The following MRPL37 variants were observed in gnomAD, a reference collection of about 807,000 sequenced individuals.
The protein encoded by MRPL37 is mitochondrial ribosomal protein L37.
Under a neutral mutation model 44.1 loss-of-function variants are expected in MRPL37, and 34 were observed. That is an observed-to-expected ratio of 0.77 (90% CI 0.59 to 1.03). The LOEUF is 1.03. Among genes scored for constraint, MRPL37 ranks in the 50% least tolerant of loss-of-function variants. The pLI, the probability that MRPL37 is intolerant of heterozygous loss-of-function variation, is 0.00. For missense variants in MRPL37, 532 were observed against 543.7 expected (o/e 0.98, Z 0.21); for synonymous variants, 212 against 219.5 (o/e 0.97, Z 0.30).
chr1:54,200,316 G>A lies in MRPL37; in HGVS notation c.73G>A (p.Ala25Thr). 6.2e-7 allele frequency: 1 copy of A among 1,613,238 alleles called. No homozygotes were observed. Among genetic ancestry groups the A allele is most frequent in the Non-Finnish European group, 8.5e-7 (1 of 1,179,790 alleles). The change falls in exon 1 of 7, where the codon GCC becomes ACC. Residue 25 changes from alanine (A) to threonine (T), a missense_variant. Ala to Thr is a moderately conservative substitution (Grantham distance 58). Transcript: ENST00000360840. ...SGQLGLGGFG[A>T]PRRGAYEWGV... ...GCAGCTCGGCCTTGGGGGCTTCGGG[G>A]CCCCGAGACGCGGGGCGTATGAGTG... is the stretch of plus-strand genomic sequence containing the variant.
downstream of MRPL37, among the ~76,000 whole-genome samples, chr1:54,224,553 A>G (rs572195074): frequency 2.6e-5 from 4 of 152,330 alleles, no homozygotes; most frequent in African/African-American, 7.2e-5. Context: ...AAGTTGCAGC[A>G]AACAAGATTT....
At chr1:54,222,356 TG>T (rs200211781), downstream of MRPL37, among the ~76,000 whole-genome samples, 14 of 151,224 alleles carry the variant, frequency 9.3e-5, no homozygotes, top group Admixed American at 2.6e-4. Flanking sequence ...ACAAAGGCCC[TG>T]GGGGGGCAGA....
chr1:54,223,565 T>C (rs1478071996), downstream of MRPL37, among the ~76,000 whole-genome samples: 3 of 152,176 alleles, frequency 2.0e-5, no homozygotes, highest in Non-Finnish European at 2.9e-5. Context: ...TAAGTTTCTT[T>C]CCTGGCTCTG....
At position 54,206,502 on chromosome 1, in the gene MRPL37, C is replaced by T. The variant is rs192983792; in HGVS notation, c.646+1092C>T. ...TCAGCTCACTGCAACCTCTGCCTCC[C>T]GGGTTCAAGCAATTCTTGTGCCTCA... On this transcript the variant is annotated intron_variant, in intron 3 of 6. Coordinates refer to ENST00000360840, the MANE Select transcript of MRPL37 (RefSeq NM_016491.4). Among the ~76,000 whole-genome samples, 77 of 152,094 alleles carry T rather than the reference C, an allele frequency of 5.1e-4. 1 individual carries two copies. Among genetic ancestry groups the T allele is most frequent in the African/African-American group, 1.7e-3 (72 of 41,484 alleles).
Position 54,216,168 on chromosome 1 carries a change from G to A in MRPL37, c.1018G>A (p.Val340Met), listed in dbSNP as rs184402036. The A allele has an allele frequency of 2.6e-5, 42 of 1,614,230 alleles. No individual in the cohort carries two copies. The highest frequency in any genetic ancestry group is 3.3e-4 in the Middle Eastern group (2 of 6,062). Residue 340 changes from valine to methionine, a missense_variant, in exon 6 of 7, where the codon GTG becomes ATG. Coordinates refer to ENST00000360840, the MANE Select transcript of MRPL37 (RefSeq NM_016491.4). ...TGATGCCAAGGTCTTGGAGCAGCCC[G>A]TGGTGGTGCAGAGCGTGGGCACGGA... ...GNDAKVLEQP[V>M]VVQSVGTDGR...
At chr1:54,216,534 C>G (rs1644199000) in intron 6 of MRPL37, among the ~76,000 whole-genome samples, 190 bp downstream of exon 6, 1 of 152,172 alleles carries the variant, frequency 6.6e-6, no homozygotes, top group Non-Finnish European at 1.5e-5. Context: ...TGCTCCACTC[C>G]AGCTCCTGCT....
At chr1:54,214,993 T>A (rs1644187876) in intron 5 of MRPL37, among the ~76,000 whole-genome samples, 1 of 152,170 alleles carries the variant, frequency 6.6e-6, no homozygotes, top group South Asian at 2.1e-4. Flanking sequence ...AATGCCAGAT[T>A]CAGCCCCAGT....
At chr1:54,207,687 A>G (rs188101163) in intron 3 of MRPL37, among the ~76,000 whole-genome samples, 223 of 152,358 alleles carry the variant, frequency 1.5e-3, no homozygotes, top group Non-Finnish European at 2.2e-3. Flanking sequence ...CCCAAGGTTA[A>G]GAGAGGTCCA....
chr1:54,218,781 C>G (rs575939352), downstream of MRPL37, among the ~76,000 whole-genome samples: 1 of 152,324 alleles, frequency 6.6e-6, no homozygotes, highest in East Asian at 1.9e-4. Context: ...CAAATAATGT[C>G]AAGTCCTGAT....
chr1:54,223,267 C>A (rs550484652), downstream of MRPL37, among the ~76,000 whole-genome samples: 50 of 152,344 alleles, frequency 3.3e-4, no homozygotes, highest in East Asian at 8.3e-3. Flanking sequence ...CCCAGCCACT[C>A]TGCTCAAGTC....
At chr1:54,204,867 A>G (rs1644109477) in intron 1 of MRPL37, 151 bp from the exon 2 acceptor site, 2 of 820,588 alleles carry the variant, frequency 2.4e-6, no homozygotes, top group Non-Finnish European at 1.8e-6. Flanking sequence ...TCTGGTCTTC[A>G]CTTTTGGTTC....
rs750811941 is a variant in MRPL37 at position 54,205,409 on chromosome 1, A to G, written c.645A>G (p.Arg215=). 3 of 1,612,562 alleles carry G rather than the reference A, an allele frequency of 1.9e-6. No individual in the cohort carries two copies. The highest frequency in any genetic ancestry group is 2.5e-6 in the Non-Finnish European group (3 of 1,178,898). The part of the protein sequence containing the change: ...QNSTFSATWN[R]ESLLLQVRGS... ...CCACGTTTTCTGCTACCTGGAACCGAGGTTGGTCATCTTGTACACCAGAAA... is the reference window on the plus strand; with the variant it reads ...CCACGTTTTCTGCTACCTGGAACCGGGGTTGGTCATCTTGTACACCAGAAA... Residue 215 remains arginine, a splice_region_variant and synonymous_variant, in exon 3 of 7, where the codon CGA becomes CGG. Coordinates refer to ENST00000360840, the MANE Select transcript of MRPL37 (RefSeq NM_016491.4).
At chr1:54,220,485 G>A (rs1644225398), downstream of MRPL37, 1 of 374,966 alleles carries the variant, frequency 2.7e-6, no homozygotes, top group Non-Finnish European at 5.5e-6. Context: ...TCTGCAAAGT[G>A]GGGCAGGCAG....
At chr1:54,214,583 G>A (rs557131407) in intron 5 of MRPL37, among the ~76,000 whole-genome samples, 1 of 152,332 alleles carries the variant, frequency 6.6e-6, no homozygotes, top group African/African-American at 2.4e-5. Flanking sequence ...GAAGGAGGCA[G>A]AGATAGTCAC....
In MRPL37 at chr1:54,216,296, C is replaced by G; in HGVS notation, c.1146C>G (p.Leu382=). The G allele has an allele frequency of 1.2e-6, 2 of 1,614,196 alleles. No individual in the cohort carries two copies. The highest frequency in any genetic ancestry group is 1.7e-6 in the Non-Finnish European group (2 of 1,180,038). ...CCTGGGTGGACTCAGACCAGCTCCT[C>G]TATCAGCATTTTTGGTGTCTCCCAG... is the stretch of plus-strand genomic sequence containing the variant. ...NLAWVDSDQL[L]YQHFWCLPVI... Residue 382 remains leucine, a synonymous_variant, in exon 6 of 7, where the codon CTC becomes CTG. Transcript: ENST00000360840.
chr1:54,212,189 AAG>A (rs1261352785), intron 4 of MRPL37, among the ~76,000 whole-genome samples: 1 of 152,164 alleles, frequency 6.6e-6, no homozygotes, highest in Non-Finnish European at 1.5e-5. Context: ...ATTTTCTGTG[AAG>A]AGTCAAAACA....
chr1:54,202,104 G>A (rs928348492), intron 1 of MRPL37, among the ~76,000 whole-genome samples: 1 of 151,584 alleles, frequency 6.6e-6, no homozygotes, highest in African/African-American at 2.4e-5. Context: ...CAAAGTTCAA[G>A]TGATCTCCCA....
At chr1:54,202,051 A>G (rs1644088633) in intron 1 of MRPL37, among the ~76,000 whole-genome samples, 1 of 150,060 alleles carries the variant, frequency 6.7e-6, no homozygotes, top group Non-Finnish European at 1.5e-5. Context: ...TGCCCAGGCC[A>G]GAGTACAGTG....
downstream of MRPL37, chr1:54,218,436 G>C: frequency 7.0e-7 from 1 of 1,421,280 alleles, no homozygotes; most frequent in African/African-American, 1.4e-5. Flanking sequence ...ACAAGTCCAA[G>C]CCCTGGAGCC....
Sources: gnomAD v4.1 joint callset for allele counts (sites outside exome capture counted in the v4.1 genomes callset) on GRCh38, gnomAD v4.1.1 for gene constraint, MANE v1.5 for transcripts, NCBI Gene and HGNC (gene_info 2026-07-23, HGNC 2026-07-21) for gene names.